The following SRGAP3 variants were observed in gnomAD, a reference collection of about 807,000 sequenced individuals.
SRGAP3 encodes SLIT-ROBO Rho GTPase activating protein 3, also known as SLIT-ROBO Rho GTPase-activating protein 3.
SRGAP3 carries 39 observed loss-of-function variants against 121.1 expected under a neutral mutation model. The ratio of observed to expected loss-of-function variants is 0.32; its 90% CI spans 0.25 to 0.42. SRGAP3 has a LOEUF of 0.42. Ranked by LOEUF, SRGAP3 falls within the 10% of genes least tolerant of loss-of-function variation. The pLI, the probability that SRGAP3 is intolerant of heterozygous loss-of-function variation, is 1.00. For synonymous variants in SRGAP3, 601 were observed against 570.0 expected, an observed-to-expected ratio of 1.05 and a Z score of -0.77; for missense variants, 1,213 against 1,470.6, an observed-to-expected ratio of 0.82 and a Z score of 2.86.
intron 3 of SRGAP3, among the ~76,000 whole-genome samples, chr3:9,090,238 C>A (rs1358191435): frequency 6.6e-6 from 1 of 152,126 alleles, no homozygotes; most frequent in Non-Finnish European, 1.5e-5. Context: ...CACACGCACC[C>A]TAAAGACCAG....
chr3:9,096,980 T>TATATAC (rs1337002294), intron 3 of SRGAP3, among the ~76,000 whole-genome samples: 34 of 70,972 alleles, frequency 4.8e-4, no homozygotes, highest in Non-Finnish European at 6.7e-4. Context: ...TATATATATA[T>TATATAC]ACACATACAC....
At chr3:9,132,142 A>G (rs573936562) in intron 1 of SRGAP3, among the ~76,000 whole-genome samples, 1 of 152,214 alleles carries the variant, frequency 6.6e-6, no homozygotes, top group East Asian at 1.9e-4. Flanking sequence ...CAAAAAATTG[A>G]CCAGAAAGTA....
chr3:9,016,066 A>G (rs1943622775), intron 14 of SRGAP3: 2 of 360,098 alleles, frequency 5.6e-6, no homozygotes, highest in Non-Finnish European at 1.0e-5. Context: ...TAGACATCAA[A>G]ACACACCACC....
At chr3:9,188,458 CTG>C (rs1251334141) in intron 1 of SRGAP3, among the ~76,000 whole-genome samples, 2 of 152,184 alleles carry the variant, frequency 1.3e-5, no homozygotes, top group Non-Finnish European at 1.5e-5. Flanking sequence ...GATGAGGAAA[CTG>C]AGGCTGAGTG....
chr3:9,341,764 G>A (rs1327223559), intron 1 of SRGAP3, among the ~76,000 whole-genome samples: 2 of 152,158 alleles, frequency 1.3e-5, no homozygotes, highest in East Asian at 3.9e-4. Flanking sequence ...CTCCCAAAGT[G>A]TTGAGATTAC....
In SRGAP3 at chr3:9,060,381, T is replaced by C. The variant is rs367888304; in HGVS notation, c.673-22A>G. 5.6e-5 allele frequency: 91 copies of C among 1,612,370 alleles called. No homozygotes were observed. In the African/African-American group the frequency reaches 9.5e-4, roughly 17 times the overall value. The stretch of plus-strand genomic sequence containing the variant: ...GCCTCTGGAAGAAGAAAAGAGTAGA[T>C]GTAAGAGCAAGCCATTTAAGAGGAC... On this transcript the variant is annotated intron_variant, in intron 5 of 21. Transcript: ENST00000383836.
intron 3 of SRGAP3, among the ~76,000 whole-genome samples, chr3:9,311,323 C>T (rs17050225): frequency 0.069 from 10,465 of 152,196 alleles, 839 homozygotes; most frequent in African/African-American, 0.19. Context: ...TTTCAATACA[C>T]GTAAAGTGCA....
At chr3:9,128,406 TAAA>T (rs1341883323) in intron 1 of SRGAP3, among the ~76,000 whole-genome samples, 7 of 152,222 alleles carry the variant, frequency 4.6e-5, no homozygotes, top group African/African-American at 1.7e-4. Context: ...ATGATAATCT[TAAA>T]AAACTTTCAA....
At chr3:9,090,883 C>T (rs141797995) in intron 3 of SRGAP3, among the ~76,000 whole-genome samples, 1,899 of 152,166 alleles carry the variant, frequency 0.012, 41 homozygotes, top group African/African-American at 0.043. Flanking sequence ...GTGATCCACC[C>T]GCCTCAACCT....
chr3:9,153,764 A>G (rs946690721), intron 1 of SRGAP3, among the ~76,000 whole-genome samples: 1 of 152,234 alleles, frequency 6.6e-6, no homozygotes, highest in Admixed American at 6.5e-5. Context: ...ATATTATTGT[A>G]TACATTATAC....
intron 8 of SRGAP3, among the ~76,000 whole-genome samples, chr3:9,055,781 T>A (rs1442993022): frequency 1.3e-5 from 2 of 152,222 alleles, no homozygotes; most frequent in African/African-American, 4.8e-5. Flanking sequence ...TAATAACATT[T>A]AAGCATTTCC....
At chr3:9,299,992 T>C (rs1455146278) in intron 3 of SRGAP3, among the ~76,000 whole-genome samples, 5 of 151,804 alleles carry the variant, frequency 3.3e-5, no homozygotes, top group Admixed American at 6.6e-5. Context: ...TTTGGCATGT[T>C]ACTTCATCTC....
intron 1 of SRGAP3, among the ~76,000 whole-genome samples, chr3:9,170,401 G>C (rs1307879576): frequency 1.3e-5 from 2 of 152,148 alleles, no homozygotes; most frequent in East Asian, 3.8e-4. Flanking sequence ...TAGTAGTGCG[G>C]GGAGCAGCGG....
chr3:9,280,852 G>A (rs1408229052), intron 3 of SRGAP3, among the ~76,000 whole-genome samples: 1 of 152,176 alleles, frequency 6.6e-6, no homozygotes, highest in Non-Finnish European at 1.5e-5. Flanking sequence ...AACCCAAATA[G>A]TAACTATGGC....
chr3:9,152,399 C>CTG (rs1950241086), intron 1 of SRGAP3, among the ~76,000 whole-genome samples: 2 of 152,204 alleles, frequency 1.3e-5, no homozygotes, highest in African/African-American at 4.8e-5. Flanking sequence ...CTCTCTCTCT[C>CTG]TGTGTCTCTC....
rs541725744 is a variant in SRGAP3 at position 9,267,300 on chromosome 3, AG to A, written n.442+58709del. Among the ~76,000 whole-genome samples, 440 of 151,658 alleles carry A rather than the reference AG, an allele frequency of 2.9e-3. 3 individuals carry two copies. The highest frequency in any genetic ancestry group is 0.01 in the African/African-American group (422 of 41,534). On this transcript the variant is annotated intron_variant and non_coding_transcript_variant, in intron 3 of 3. Coordinates refer to the SRGAP3 transcript ENST00000490889. ...TGTGCCCAGGATTGGCTGGGAAAAC[AG>A]CAGACAGAGATGCTTTCAGATATTA...
At chr3:9,235,897 C>T (rs1042117850) in intron 1 of SRGAP3, 4 of 152,584 alleles carry the variant, frequency 2.6e-5, no homozygotes, top group African/African-American at 9.7e-5. Context: ...CATTTAATAC[C>T]ACTAAGCTGC....
At chr3:9,197,228 GAAAGA>G (rs1048350611) in intron 1 of SRGAP3, among the ~76,000 whole-genome samples, 46 of 152,340 alleles carry the variant, frequency 3.0e-4, no homozygotes, top group African/African-American at 9.9e-4. Context: ...TGCTAGAAAG[GAAAGA>G]AAAGTTGGCA....
chr3:9,256,438 C>A (rs1229225911), intron 3 of SRGAP3, among the ~76,000 whole-genome samples: 1 of 152,218 alleles, frequency 6.6e-6, no homozygotes, highest in African/African-American at 2.4e-5. Context: ...GGCTCTGCAA[C>A]TGCCTAGGAG....
Sources: allele counts gnomAD v4.1 joint callset (sites outside exome capture counted in the v4.1 genomes callset), GRCh38; gene constraint gnomAD v4.1.1; transcripts MANE v1.5; gene names NCBI Gene and HGNC (gene_info 2026-07-23, HGNC 2026-07-21).